The following ENTREP2 variants were observed in gnomAD, a reference collection of about 807,000 sequenced individuals.
ENTREP2 encodes endosomal transmembrane epsin interactor 2, also known as protein ENTREP2.
the ENTREP2 span, among the ~76,000 whole-genome samples, chr15:29,173,327 G>A: frequency 1.3e-5 from 2 of 152,226 alleles, no homozygotes; most frequent in Admixed American, 6.5e-5. Context: ...TATGATAGAA[G>A]ACGGCACTGA....
chr15:29,504,970 T>A, the ENTREP2 span, among the ~76,000 whole-genome samples: 2 of 152,188 alleles, frequency 1.3e-5, no homozygotes, highest in Non-Finnish European at 2.9e-5. Context: ...AAGATTTTGA[T>A]ACAAGGATGT....
chr15:29,527,422 A>C, the ENTREP2 span, among the ~76,000 whole-genome samples: 4 of 152,216 alleles, frequency 2.6e-5, no homozygotes, highest in African/African-American at 9.7e-5. Flanking sequence ...TAGGAAAACA[A>C]ATCTGTCTAA....
chr15:29,330,931 C>T, the ENTREP2 span, among the ~76,000 whole-genome samples: 1 of 152,138 alleles, frequency 6.6e-6, no homozygotes, highest in South Asian at 2.1e-4. Context: ...GCATAAATAT[C>T]ACAGCCAACC....
the ENTREP2 span, among the ~76,000 whole-genome samples, chr15:29,262,813 A>G: frequency 0.62 from 93,703 of 152,072 alleles, 28,965 homozygotes; most frequent in African/African-American, 0.66. Flanking sequence ...GTGTCCTGAG[A>G]GTGGGCAGTC....
chr15:29,603,580 G>A, the ENTREP2 span, among the ~76,000 whole-genome samples: 2 of 152,144 alleles, frequency 1.3e-5, no homozygotes, highest in Non-Finnish European at 2.9e-5. Context: ...CTGAGAAGCA[G>A]ACAGCAAAGC....
chr15:29,297,500 C>A, the ENTREP2 span, among the ~76,000 whole-genome samples: 1 of 152,170 alleles, frequency 6.6e-6, no homozygotes, highest in African/African-American at 2.4e-5. Flanking sequence ...AATAATCAAA[C>A]TAATAAATGA....
At chr15:29,423,875 G>A in the ENTREP2 span, among the ~76,000 whole-genome samples, 1 of 152,172 alleles carries the variant, frequency 6.6e-6, no homozygotes, top group African/African-American at 2.4e-5. Flanking sequence ...ACAGACGTAT[G>A]TGGACACCCA....
the ENTREP2 span, among the ~76,000 whole-genome samples, chr15:29,566,768 C>T: frequency 0.66 from 99,872 of 151,488 alleles, 33,363 homozygotes; most frequent in Non-Finnish European, 0.74. Context: ...ACTTTTTTAT[C>T]TTCAGTTATT....
the ENTREP2 span, among the ~76,000 whole-genome samples, chr15:29,215,073 C>T: frequency 6.6e-6 from 1 of 152,168 alleles, no homozygotes. Context: ...TGCTGTCTAT[C>T]TCATTTCTTT....
the ENTREP2 span, among the ~76,000 whole-genome samples, chr15:29,540,578 T>C: frequency 3.3e-5 from 5 of 152,216 alleles, no homozygotes; most frequent in African/African-American, 1.2e-4. Flanking sequence ...CCGCTAACTT[T>C]ATGGTGATCT....
At chr15:29,573,646 C>G in the ENTREP2 span, among the ~76,000 whole-genome samples, 1 of 151,028 alleles carries the variant, frequency 6.6e-6, no homozygotes, top group Non-Finnish European at 1.5e-5. Context: ...TCTCTCCCCC[C>G]CTCTCTCTCT....
chr15:29,658,274 C>T, the ENTREP2 span, among the ~76,000 whole-genome samples: 7 of 152,150 alleles, frequency 4.6e-5, no homozygotes, highest in African/African-American at 1.4e-4. Context: ...CTCCTGCCAC[C>T]TTGTGAAGAA....
the ENTREP2 span, among the ~76,000 whole-genome samples, chr15:29,256,068 A>AT: frequency 6.6e-6 from 1 of 151,896 alleles, no homozygotes; most frequent in Non-Finnish European, 1.5e-5. Flanking sequence ...TGGAGTCCAT[A>AT]TTATATGAAT....
chr15:29,262,511 C>T, the ENTREP2 span, among the ~76,000 whole-genome samples: 719 of 152,276 alleles, frequency 4.7e-3, 3 homozygotes, highest in African/African-American at 0.017. Flanking sequence ...CCATAAAAAC[C>T]CAAAAGGACA....
chr15:29,506,132 C>T, the ENTREP2 span, among the ~76,000 whole-genome samples: 1 of 151,712 alleles, frequency 6.6e-6, no homozygotes, highest in Non-Finnish European at 1.5e-5. Context: ...TATCAGTAGC[C>T]CAATCTATCA....
the ENTREP2 span, among the ~76,000 whole-genome samples, chr15:29,187,160 T>C: frequency 7.2e-5 from 11 of 152,230 alleles, no homozygotes; most frequent in Non-Finnish European, 2.9e-5. Context: ...ATAATGGCTC[T>C]CTTTCAGGAC....
the ENTREP2 span, among the ~76,000 whole-genome samples, chr15:29,551,688 C>T: frequency 1.5e-4 from 19 of 128,166 alleles, no homozygotes; most frequent in South Asian, 4.3e-3. Context: ...TATCAAATGC[C>T]TATTTAAAAA....
chr15:29,492,408 G>A, the ENTREP2 span, among the ~76,000 whole-genome samples: 2 of 152,150 alleles, frequency 1.3e-5, no homozygotes, highest in African/African-American at 4.8e-5. Context: ...TTATGATTAC[G>A]ATATCATGTG....
At chr15:29,131,421 G>T in the ENTREP2 span, among the ~76,000 whole-genome samples, 1 of 151,394 alleles carries the variant, frequency 6.6e-6, no homozygotes, top group Non-Finnish European at 1.5e-5. Context: ...TCACTGGGTC[G>T]CACCCAAGAC....
Sources: allele counts gnomAD v4.1 joint callset (sites outside exome capture counted in the v4.1 genomes callset), GRCh38; gene constraint gnomAD v4.1.1; transcripts MANE v1.5; gene names NCBI Gene and HGNC (gene_info 2026-07-23, HGNC 2026-07-21).